KDM4B: variants seen among roughly 807,000 people sequenced by gnomAD.
The protein encoded by KDM4B is lysine-specific demethylase 4B.
In KDM4B, 32 loss-of-function variants were observed where a neutral mutation model predicts 125.2. The ratio of observed to expected loss-of-function variants is 0.26; its 90% CI spans 0.19 to 0.34. KDM4B has a LOEUF of 0.34. KDM4B is among the 10% of genes least tolerant of loss of function. The pLI is 1.00. For missense variants in KDM4B, 1,190 were observed against 1,577.7 expected (o/e 0.75, Z 4.16); for synonymous variants, 721 against 677.9 (o/e 1.06, Z -0.99).
At chr19:4,983,338 G>A (rs560455806) in intron 1 of KDM4B, among the ~76,000 whole-genome samples, 29 of 152,170 alleles carry the variant, frequency 1.9e-4, no homozygotes, top group Non-Finnish European at 2.6e-4. Flanking sequence ...TCCTGCCCCC[G>A]CCTATCCCAG....
rs143756003 is a variant in KDM4B, at chr19:5,121,644, C to T, written c.1315+1792C>T. Among the ~76,000 whole-genome samples, 150 of 152,280 alleles carry T rather than the reference C, an allele frequency of 9.9e-4. 1 individual carries two copies. The highest frequency in any genetic ancestry group is 3.4e-3 in the Middle Eastern group (1 of 294). ...GAATAAACCTAACCAAAAAAATGATCTTTATGGAGAAAATTAAGAGACTTT... is the reference window on the plus strand; with the variant it reads ...GAATAAACCTAACCAAAAAAATGATTTTTATGGAGAAAATTAAGAGACTTT... On this transcript the variant is annotated intron_variant, in intron 11 of 22. Coordinates refer to ENST00000159111, the MANE Select transcript of KDM4B (RefSeq NM_015015.3).
chr19:5,051,163 C>A (rs72990183), intron 6 of KDM4B, among the ~76,000 whole-genome samples: 1 of 152,190 alleles, frequency 6.6e-6, no homozygotes, highest in South Asian at 2.1e-4. Flanking sequence ...GAGTTCCAGG[C>A]CGGGGTGGGA....
intron 2 of KDM4B, among the ~76,000 whole-genome samples, chr19:5,031,853 G>A (rs1040413217): frequency 3.9e-5 from 6 of 152,332 alleles, no homozygotes; most frequent in Middle Eastern, 3.4e-3. Context: ...CCCCACTCCC[G>A]GGACTGTCTG....
intron 1 of KDM4B, among the ~76,000 whole-genome samples, chr19:4,974,052 G>T (rs1381353015): frequency 1.3e-5 from 2 of 151,766 alleles, no homozygotes; most frequent in Non-Finnish European, 2.9e-5. Flanking sequence ...ATTGCACCGA[G>T]ATCCTGCCAC....
chr19:5,055,136 C>T (rs1402961442), intron 6 of KDM4B, among the ~76,000 whole-genome samples: 1 of 152,254 alleles, frequency 6.6e-6, no homozygotes, highest in African/African-American at 2.4e-5. Context: ...AATTGCGGCC[C>T]GATTGTGCCC....
intron 1 of KDM4B, among the ~76,000 whole-genome samples, chr19:4,987,855 C>T (rs747135496): frequency 2.0e-5 from 3 of 152,112 alleles, no homozygotes; most frequent in African/African-American, 4.8e-5. Flanking sequence ...GCTGGGGCTG[C>T]GGCCTGGACT....
At chr19:5,033,412 T>C (rs1291178871) in intron 3 of KDM4B, among the ~76,000 whole-genome samples, 2 of 151,980 alleles carry the variant, frequency 1.3e-5, no homozygotes, top group African/African-American at 4.8e-5. Flanking sequence ...CTTACTTTCC[T>C]AGTAAAACTT....
At chr19:5,044,960 T>C (rs562657425) in intron 5 of KDM4B, among the ~76,000 whole-genome samples, 41 of 152,310 alleles carry the variant, frequency 2.7e-4, no homozygotes, top group African/African-American at 9.9e-4. Flanking sequence ...TAATACTCCA[T>C]GGTCCGGGTG....
At chr19:5,144,654 G>C (rs2039809913) in intron 20 of KDM4B, 129 bp from the exon 21 acceptor site, 14 of 1,352,800 alleles carry the variant, frequency 1.0e-5, no homozygotes, top group Non-Finnish European at 1.3e-5. Flanking sequence ...GCTACCCCGG[G>C]CCCCCGCAGC....
rs931443730 is a variant in KDM4B, at chr19:5,151,508, C to T, written c.3288C>T (p.Phe1096=). 4 of 1,399,728 alleles carry T rather than the reference C, an allele frequency of 2.9e-6. No homozygotes were observed. In the African/African-American group the frequency reaches 6.0e-5, roughly 21 times the overall value. The allele number at this position is 1,399,728 out of a possible 1,614,324, so 86.7% of individuals were successfully genotyped here. A position where few individuals can be genotyped will look rare whatever the true frequency, so the allele number is the denominator to read the frequency against. Reference sequence around the variant, plus strand: ...TGCAGGGCCGGCCCGGAGCCCCCTTCTAGGACAGCTGGCCGCTCAGGCGAC... The same window carrying T: ...TGCAGGGCCGGCCCGGAGCCCCCTTTTAGGACAGCTGGCCGCTCAGGCGAC... ...LQVQGRPGAP[F] Residue 1096 remains phenylalanine (F), a synonymous_variant, in exon 23 of 23, where the codon TTC becomes TTT. Coordinates refer to ENST00000159111, the MANE Select transcript of KDM4B (RefSeq NM_015015.3).
chr19:4,993,934 A>G (rs1351872553), intron 1 of KDM4B, among the ~76,000 whole-genome samples: 1 of 125,160 alleles, frequency 8.0e-6, no homozygotes, highest in Non-Finnish European at 1.7e-5. Context: ...TTTTAAGTCT[A>G]TTTTGTCTGA....
chr19:5,123,200 CG>C (rs1223589154), intron 11 of KDM4B, among the ~76,000 whole-genome samples: 1 of 152,224 alleles, frequency 6.6e-6, no homozygotes, highest in Non-Finnish European at 1.5e-5. Flanking sequence ...TCGCGTGGCA[CG>C]GGGCTTCTCA....
intron 9 of KDM4B, among the ~76,000 whole-genome samples, chr19:5,096,797 G>T (rs1369087693): frequency 7.9e-6 from 1 of 127,336 alleles, no homozygotes; most frequent in South Asian, 2.6e-4. Context: ...TGGTGGAGGA[G>T]GTGTCCCGCG....
intron 2 of KDM4B, among the ~76,000 whole-genome samples, chr19:5,024,513 G>A (rs1233777399): frequency 6.6e-6 from 1 of 152,144 alleles, no homozygotes; most frequent in Non-Finnish European, 1.5e-5. Context: ...AGGTTGCAGA[G>A]GAGCTGTCCA....
At chr19:5,019,640 TTGTG>T (rs370158323) in intron 2 of KDM4B, among the ~76,000 whole-genome samples, 53 of 139,898 alleles carry the variant, frequency 3.8e-4, no homozygotes, top group South Asian at 2.6e-3. Flanking sequence ...GTACAGGTGT[TTGTG>T]TGGACGTTGG....
At chr19:5,145,863 C>G (rs1224289322) in intron 21 of KDM4B, among the ~76,000 whole-genome samples, 1 of 152,230 alleles carries the variant, frequency 6.6e-6, no homozygotes, top group Non-Finnish European at 1.5e-5. Context: ...CCCCGAGCCC[C>G]AAGTTCTTTG....
At position 5,141,584 on chromosome 19, in the gene KDM4B, CG is replaced by C. The variant is rs1252465794; in HGVS notation, c.2551-2380del. Reference sequence around the variant, plus strand: ...TCGCCCAACCGCCCAGCCACCTTCGCGGGCCACGGGCAGGCTGCAGGCATGG... The same window carrying C: ...TCGCCCAACCGCCCAGCCACCTTCGCGGCCACGGGCAGGCTGCAGGCATGG... On this transcript the variant is annotated intron_variant, in intron 18 of 22. Coordinates refer to ENST00000159111, the MANE Select transcript of KDM4B (RefSeq NM_015015.3). The surrounding 1 kb of genome is among the most constrained non-coding windows in gnomAD (Gnocchi z 6.4). 1 of 152,392 alleles carries C rather than the reference CG, an allele frequency of 6.6e-6. No homozygotes were observed. Among genetic ancestry groups the C allele is most frequent in the African/African-American group, 2.4e-5 (1 of 41,582 alleles). 9.4% of individuals were successfully genotyped at this position (152,392 alleles called of 1,614,324 possible).
intron 1 of KDM4B, among the ~76,000 whole-genome samples, chr19:4,991,881 TC>T (rs1379412840): frequency 2.0e-5 from 3 of 152,250 alleles, no homozygotes. Flanking sequence ...TTGGGTTTTT[TC>T]GCTTGCAATC....
intron 9 of KDM4B, among the ~76,000 whole-genome samples, chr19:5,091,639 G>A (rs900239913): frequency 1.3e-5 from 2 of 152,126 alleles, no homozygotes; most frequent in Admixed American, 1.3e-4. Context: ...TGTTTCTGCT[G>A]CCTGGGAGAA....
Sources: gnomAD v4.1 joint callset for allele counts (sites outside exome capture counted in the v4.1 genomes callset) on GRCh38, gnomAD v4.1.1 for gene constraint, Gnocchi (gnomAD v3.1) non-coding constraint, MANE v1.5 for transcripts, NCBI Gene and HGNC (gene_info 2026-07-23, HGNC 2026-07-21) for gene names.